The following TYW1 variants were observed in gnomAD, a reference collection of about 807,000 sequenced individuals.
The protein encoded by TYW1 is tRNA-yW synthesizing protein 1 homolog.
TYW1 carries 46 observed loss-of-function variants against 96.2 expected under a neutral mutation model. That is an observed-to-expected ratio of 0.48 (90% CI 0.38 to 0.61). TYW1 has a LOEUF of 0.61. TYW1 is among the 20% of genes least tolerant of loss of function. TYW1 has a pLI of 0.00. For synonymous variants in TYW1, 274 were observed against 323.0 expected, an observed-to-expected ratio of 0.85 and a Z score of 1.63; for missense variants, 684 against 909.6, an observed-to-expected ratio of 0.75 and a Z score of 3.19.
intron 12 of TYW1, among the ~76,000 whole-genome samples, chr7:67,113,088 C>G (rs570773682): frequency 1.0e-3 from 159 of 152,214 alleles, no homozygotes; most frequent in African/African-American, 3.6e-3. Context: ...ATCTCATTCT[C>G]TTCCTGATGA....
rs146603575 is a variant in TYW1 at position 67,153,981 on chromosome 7, G to A, written c.1699-29145G>A. Among the ~76,000 whole-genome samples the A allele has an allele frequency of 6.5e-3, 956 of 147,702 alleles. 13 individuals are homozygous for A. The highest frequency in any genetic ancestry group is 8.2e-3 in the Non-Finnish European group (551 of 67,396). ...CTCGCTCTGTCACCCAGGCTGGAGC[G>A]CAGTGGCGTGACCTTAGCTTACTGC... On this transcript the variant is annotated intron_variant, in intron 13 of 15. Transcript: ENST00000359626.
intron 7 of TYW1, among the ~76,000 whole-genome samples, chr7:67,049,451 T>C (rs1795291964): frequency 6.6e-6 from 1 of 152,232 alleles, no homozygotes; most frequent in South Asian, 2.1e-4. Flanking sequence ...GTCTTTAGAT[T>C]GTTGTCTCAT....
intron 11 of TYW1, among the ~76,000 whole-genome samples, chr7:67,092,980 G>C (rs1796774380): frequency 6.6e-6 from 1 of 151,860 alleles, no homozygotes; most frequent in East Asian, 1.9e-4. Flanking sequence ...ACCACGCCCG[G>C]CCCAAAACTT....
intron 12 of TYW1, among the ~76,000 whole-genome samples, chr7:67,105,886 CTTTTTT>C (rs11330425): frequency 3.3e-5 from 2 of 61,400 alleles, no homozygotes; most frequent in East Asian, 1.1e-3. Context: ...AGAGAATATT[CTTTTTT>C]TTTTTTTTTT....
At chr7:67,187,351 A>T (rs1343051069) in intron 14 of TYW1, among the ~76,000 whole-genome samples, 2 of 152,176 alleles carry the variant, frequency 1.3e-5, no homozygotes, top group African/African-American at 4.8e-5. Context: ...GGCGTGAGCC[A>T]CCACGCCTGG....
intron 13 of TYW1, among the ~76,000 whole-genome samples, chr7:67,125,990 G>C (rs1243167427): frequency 6.6e-6 from 1 of 152,036 alleles, no homozygotes; most frequent in East Asian, 1.9e-4. Flanking sequence ...TTTCTTCCAA[G>C]TTTTGGCAAT....
intron 15 of TYW1, among the ~76,000 whole-genome samples, chr7:67,200,526 A>G (rs1351989632): frequency 2.0e-5 from 3 of 152,052 alleles, no homozygotes; most frequent in Admixed American, 6.6e-5. Context: ...CAAGAACAGT[A>G]TGGGGGAAAC....
intron 13 of TYW1, among the ~76,000 whole-genome samples, chr7:67,138,827 A>G (rs1451368538): frequency 6.6e-6 from 1 of 151,972 alleles, no homozygotes; most frequent in Non-Finnish European, 1.5e-5. Flanking sequence ...TTATGGGTGA[A>G]TAGTACTCCA....
intron 13 of TYW1, among the ~76,000 whole-genome samples, chr7:67,132,102 T>C (rs1798094362): frequency 6.6e-6 from 1 of 150,850 alleles, no homozygotes; most frequent in African/African-American, 2.5e-5. Context: ...TTTAATACAA[T>C]CAAGTTGACA....
intron 5 of TYW1, among the ~76,000 whole-genome samples, chr7:67,015,785 G>A (rs1316528673): frequency 8.6e-5 from 13 of 152,014 alleles, no homozygotes; most frequent in Admixed American, 3.9e-4. Flanking sequence ...ACATGCTGAA[G>A]CCCCGTCTCT....
At chr7:67,015,837 C>T (rs553716705) in intron 5 of TYW1, among the ~76,000 whole-genome samples, 1 of 151,946 alleles carries the variant, frequency 6.6e-6, no homozygotes, top group African/African-American at 2.4e-5. Flanking sequence ...GTGGCGGGTG[C>T]CTGTAGTTCC....
At chr7:67,230,487 G>C (rs970378965) in intron 15 of TYW1, among the ~76,000 whole-genome samples, 3 of 151,840 alleles carry the variant, frequency 2.0e-5, no homozygotes, top group African/African-American at 7.3e-5. Flanking sequence ...GCAGTTCCTT[G>C]TACCCTCCTC....
chr7:67,123,516 T>C (rs1001445401), intron 13 of TYW1, among the ~76,000 whole-genome samples: 3 of 152,238 alleles, frequency 2.0e-5, no homozygotes, highest in African/African-American at 7.2e-5. Flanking sequence ...TAGGTTCGTG[T>C]TGAGGCATCA....
chr7:67,206,504 A>T (rs1800802720), intron 15 of TYW1, among the ~76,000 whole-genome samples: 1 of 152,012 alleles, frequency 6.6e-6, no homozygotes, highest in South Asian at 2.1e-4. Context: ...GGTGGCTGGC[A>T]CCTGTAATCA....
chr7:66,998,207 T>C lies in TYW1; in HGVS notation c.135+12T>C, dbSNP rs778499298. Reference sequence around the variant, plus strand: ...TCATCAAGACGCAGGTAAGTGGAGTTATTTTTTTTTTAATGGAGTATTTAG... The same window carrying C: ...TCATCAAGACGCAGGTAAGTGGAGTCATTTTTTTTTTAATGGAGTATTTAG... On this transcript the variant is annotated intron_variant, in intron 2 of 15. Coordinates refer to ENST00000359626, the MANE Select transcript of TYW1 (RefSeq NM_018264.4). 2.5e-6 allele frequency: 4 copies of C among 1,584,140 alleles called. No homozygotes were observed. The highest frequency in any genetic ancestry group is 3.4e-6 in the Non-Finnish European group (4 of 1,171,448).
chr7:67,040,222 T>C (rs1273896358), intron 7 of TYW1, among the ~76,000 whole-genome samples: 2 of 152,158 alleles, frequency 1.3e-5, no homozygotes, highest in Non-Finnish European at 2.9e-5. Flanking sequence ...CCTCCCAAAG[T>C]GCTAGGATAG....
intron 15 of TYW1, among the ~76,000 whole-genome samples, chr7:67,207,991 A>C (rs998309768): frequency 2.0e-5 from 3 of 152,046 alleles, no homozygotes; most frequent in Non-Finnish European, 4.4e-5. Flanking sequence ...AAAGTGCTGG[A>C]ATTTTAGGTG....
rs141652067 is a variant in TYW1 at position 67,206,906 on chromosome 7, G to A, written c.1977+11569G>A. 1.1e-4 allele frequency among the ~76,000 whole-genome samples: 16 copies of A among 152,186 alleles called. No homozygotes were observed. In the East Asian group the frequency reaches 2.7e-3, roughly 26 times the overall value. ...AAGAGAAACACCTAATCATTTTATT[G>A]GATTTGTAATGGCCTTCACAATCGG... On this transcript the variant is annotated intron_variant, in intron 15 of 15. Coordinates refer to ENST00000359626, the MANE Select transcript of TYW1 (RefSeq NM_018264.4).
At chr7:67,107,256 C>G (rs1797271632) in intron 12 of TYW1, among the ~76,000 whole-genome samples, 1 of 152,224 alleles carries the variant, frequency 6.6e-6, no homozygotes, top group South Asian at 2.1e-4. Flanking sequence ...GAAGTAAATA[C>G]TGCCGCCTGA....
Sources: gnomAD v4.1 joint callset for allele counts (sites outside exome capture counted in the v4.1 genomes callset) on GRCh38, gnomAD v4.1.1 for gene constraint, MANE v1.5 for transcripts, NCBI Gene and HGNC (gene_info 2026-07-23, HGNC 2026-07-21) for gene names.